The following CELA2A variants were observed in gnomAD, a reference collection of about 807,000 sequenced individuals.
CELA2A encodes the protein chymotrypsin like elastase 2A.
A neutral mutation model predicts 35.3 loss-of-function variants in CELA2A; 31 were observed. The observed-to-expected ratio is 0.88, with a 90% CI of 0.66 to 1.19. The LOEUF (loss-of-function observed/expected upper bound fraction) is 1.19, where lower values mean the gene tolerates loss of function less well. Ranked by LOEUF, CELA2A falls within the 50% of genes most tolerant of loss-of-function variation. The probability of loss-of-function intolerance (pLI) is 0.00; values close to 1 mark genes in which losing one functional copy is unlikely to be tolerated. For synonymous variants in CELA2A, 150 were observed against 149.8 expected, an observed-to-expected ratio of 1.00 and a Z score of -0.01; for missense variants, 330 against 352.9, an observed-to-expected ratio of 0.94 and a Z score of 0.52.
At chr1:15,463,283 G>A in intron 4 of CELA2A, 103 bp from the exon 5 acceptor site, 3 of 1,555,594 alleles carry the variant, frequency 1.9e-6, no homozygotes, top group Non-Finnish European at 2.6e-6. Context: ...GCAACCTGGG[G>A]TAACAGGGTA....
At chr1:15,469,182 GAAAAA>G (rs796633691) in intron 7 of CELA2A, among the ~76,000 whole-genome samples, 1 of 150,394 alleles carries the variant, frequency 6.6e-6, no homozygotes, top group Non-Finnish European at 1.5e-5. Flanking sequence ...CATCTCAAAA[GAAAAA>G]AAAACACACA....
chr1:15,462,961 T>G (rs1406705477), intron 4 of CELA2A, 100 bp downstream of exon 4: 3 of 1,507,790 alleles, frequency 2.0e-6, no homozygotes, highest in Non-Finnish European at 2.7e-6. Context: ...CCCCTCTGCT[T>G]CTTCTACAGG....
intron 6 of CELA2A, among the ~76,000 whole-genome samples, chr1:15,466,363 A>C (rs557527208): frequency 1.4e-4 from 21 of 152,230 alleles, no homozygotes; most frequent in Non-Finnish European, 2.1e-4. Context: ...GCAGTTCAAG[A>C]CCAGCCTGGC....
At chr1:15,464,199 G>A (rs890506632) in intron 5 of CELA2A, among the ~76,000 whole-genome samples, 3 of 152,190 alleles carry the variant, frequency 2.0e-5, no homozygotes, top group African/African-American at 7.2e-5. Context: ...CAGAGACCAT[G>A]TGACATCTTC....
chr1:15,459,458 C>T (rs1024576154), intron 2 of CELA2A, among the ~76,000 whole-genome samples: 7 of 152,150 alleles, frequency 4.6e-5, no homozygotes, highest in Middle Eastern at 3.2e-3. Context: ...GCCTCTCAAC[C>T]CAGCCTCACA....
At chr1:15,462,311 A>C in intron 3 of CELA2A, 1 of 441,952 alleles carries the variant, frequency 2.3e-6, no homozygotes, top group Non-Finnish European at 4.6e-6. Flanking sequence ...TACAGTCAGG[A>C]GTCCTGGCTT....
At position 15,457,265 on chromosome 1, in the gene CELA2A, G is replaced by T. The variant is rs571770801; in HGVS notation, c.129+91G>T. ...TTCCACCATGGCGTCTATTGTGCTG[G>T]CAAAGTGAGTATTGATGGGACTCAG... is the stretch of plus-strand genomic sequence containing the variant. On this transcript the variant is annotated intron_variant, in intron 2 of 7. Transcript: ENST00000359621. 7.9e-5 allele frequency: 100 copies of T among 1,267,280 alleles called. No individual in the cohort carries two copies. In the African/African-American group the frequency reaches 1.2e-3, roughly 15 times the overall value. 78.5% of individuals were successfully genotyped at this position (1,267,280 alleles called of 1,614,324 possible). A position where few individuals can be genotyped will look rare whatever the true frequency, so the allele number is the denominator to read the frequency against.
At chr1:15,457,213 C>T in intron 2 of CELA2A, 39 bp downstream of exon 2, 16 of 1,590,134 alleles carry the variant, frequency 1.0e-5, no homozygotes, top group Non-Finnish European at 1.3e-5. Flanking sequence ...GTCCCTGCCC[C>T]ACTCCCTTTA....
At chr1:15,471,624 C>T (rs1708595127) in intron 7 of CELA2A, among the ~76,000 whole-genome samples, 1 of 151,956 alleles carries the variant, frequency 6.6e-6, no homozygotes, top group South Asian at 2.1e-4. Context: ...CAGTTATAGC[C>T]CCAACCACAG....
At chr1:15,457,469 G>T (rs540231192) in intron 2 of CELA2A, 4 of 322,262 alleles carry the variant, frequency 1.2e-5, no homozygotes, top group Non-Finnish European at 2.4e-5. Context: ...AAGTAGCCAG[G>T]TGTGGTGGCA....
intron 7 of CELA2A, among the ~76,000 whole-genome samples, chr1:15,470,060 C>T (rs769587776): frequency 3.3e-5 from 5 of 152,188 alleles, no homozygotes; most frequent in Admixed American, 6.5e-5. Context: ...GCACGCCTCG[C>T]AAGGCAGCTG....
Position 15,461,676 on chromosome 1 carries a change from G to A in CELA2A, c.227+18G>A, listed in dbSNP as rs1166632751. On this transcript the variant is annotated intron_variant, in intron 3 of 7. Transcript: ENST00000359621. ...TGCATCAGGTAACTGCCTTTCCCTG[G>A]GCGCTTGGCCTGCTCACCAGCTGGT... 3.1e-6 allele frequency: 5 copies of A among 1,614,138 alleles called. No individual in the cohort carries two copies. In the South Asian group the frequency reaches 4.4e-5, roughly 14 times the overall value.
chr1:15,466,251 T>C, intron 6 of CELA2A, 107 bp downstream of exon 6: 1 of 1,322,226 alleles, frequency 7.6e-7, no homozygotes, highest in Non-Finnish European at 1.1e-6. Flanking sequence ...CTGGCAGAAT[T>C]ACCCCGAAAC....
In CELA2A at chr1:15,466,436, CCTGTACTCA is replaced by C. The variant is rs374992290; in HGVS notation, c.639+294_639+302del. ...AATTAGCCGGGCATGGTGGCAGGCGCCTGTACTCACAGCTACTCGGGAGGCTGAGGCAGG... is the reference window on the plus strand; with the variant it reads ...AATTAGCCGGGCATGGTGGCAGGCGCCAGCTACTCGGGAGGCTGAGGCAGG... On this transcript the variant is annotated intron_variant, in intron 6 of 7. Transcript: ENST00000359621. Among the ~76,000 whole-genome samples the C allele has an allele frequency of 5.3e-4, 80 of 152,140 alleles. 1 individual carries two copies. The highest frequency in any genetic ancestry group is 1.9e-3 in the African/African-American group (77 of 41,536).
intron 4 of CELA2A, 181 bp downstream of exon 4, chr1:15,463,042 T>C (rs1708461591): frequency 1.4e-5 from 14 of 1,022,128 alleles, no homozygotes; most frequent in Non-Finnish European, 2.0e-5. Flanking sequence ...GGATGTGACC[T>C]GGGGAGGGTG....
At chr1:15,463,886 T>C (rs776815998) in intron 5 of CELA2A, among the ~76,000 whole-genome samples, 6 of 147,990 alleles carry the variant, frequency 4.1e-5, no homozygotes, top group Non-Finnish European at 7.4e-5. Context: ...CTACTAAAAA[T>C]ATTAAAAAAA....
chr1:15,466,082 GGCA>G lies in CELA2A; in HGVS notation c.583_585del (p.Ser195del). ...CACCTGCTCCAGCTCTGCCTGGTGGGGCAGCAGCGTGAAAACCAGTATGATCTG... is the reference window on the plus strand; with the variant it reads ...CACCTGCTCCAGCTCTGCCTGGTGGGGCAGCGTGAAAACCAGTATGATCTG... On this transcript the variant is annotated inframe_deletion, in exon 6 of 8. Coordinates refer to ENST00000359621, the MANE Select transcript of CELA2A (RefSeq NM_033440.3). The G allele has an allele frequency of 6.2e-7, 1 of 1,614,120 alleles. No individual in the cohort carries two copies. The highest frequency in any genetic ancestry group is 8.5e-7 in the Non-Finnish European group (1 of 1,180,028).
chr1:15,471,407 G>T (rs928773329), intron 7 of CELA2A, among the ~76,000 whole-genome samples: 22 of 152,208 alleles, frequency 1.4e-4, no homozygotes, highest in African/African-American at 5.3e-4. Flanking sequence ...AATTAGCCAG[G>T]CATGGTGGTG....
chr1:15,469,018 A>C (rs1708557516), intron 7 of CELA2A, among the ~76,000 whole-genome samples: 1 of 152,154 alleles, frequency 6.6e-6, no homozygotes, highest in South Asian at 2.1e-4. Context: ...TCTCTACTAA[A>C]AATACAAAAA....
Sources: allele counts gnomAD v4.1 joint callset (sites outside exome capture counted in the v4.1 genomes callset), GRCh38; gene constraint gnomAD v4.1.1; transcripts MANE v1.5; gene names NCBI Gene and HGNC (gene_info 2026-07-23, HGNC 2026-07-21).